MGAT3: variants seen among roughly 807,000 people sequenced by gnomAD.
MGAT3 encodes GlcNAc-T III.
MGAT3 carries 9 observed loss-of-function variants against 29.8 expected under a neutral mutation model. The observed-to-expected ratio is 0.30, with a 90% CI of 0.18 to 0.53. The LOEUF (loss-of-function observed/expected upper bound fraction) is 0.53, where lower values mean the gene tolerates loss of function less well. Ranked by LOEUF, MGAT3 falls within the 20% of genes least tolerant of loss-of-function variation. The probability of loss-of-function intolerance (pLI) is 0.96; values close to 1 mark genes in which losing one functional copy is unlikely to be tolerated. For synonymous variants in MGAT3, 397 were observed against 348.9 expected (o/e 1.14, Z -1.54); for missense variants, 557 against 769.5 (o/e 0.72, Z 3.27).
rs538775413 is a variant in MGAT3, at chr22:39,480,676, C to T, written c.-1-6671C>T. ...TGTTTGACCTTGGCCATGTCCTTCACGCCCAGCCTCACTGTTGGTGTCTGC... is the reference window on the plus strand; with the variant it reads ...TGTTTGACCTTGGCCATGTCCTTCATGCCCAGCCTCACTGTTGGTGTCTGC... On this transcript the variant is annotated intron_variant, in intron 1 of 1. Coordinates refer to ENST00000341184, the MANE Select transcript of MGAT3 (RefSeq NM_002409.5). Among the ~76,000 whole-genome samples, 8 of 152,318 alleles carry T rather than the reference C, an allele frequency of 5.3e-5. No individual in the cohort carries two copies. In the East Asian group the frequency reaches 1.2e-3, roughly 22 times the overall value.
intron 1 of MGAT3, among the ~76,000 whole-genome samples, chr22:39,473,835 G>T (rs1928878489): frequency 6.6e-6 from 1 of 151,954 alleles, no homozygotes; most frequent in African/African-American, 2.4e-5. Flanking sequence ...GGGGAGGAGG[G>T]GGGATGGATG....
At chr22:39,474,875 T>C (rs997259822) in intron 1 of MGAT3, among the ~76,000 whole-genome samples, 1 of 152,202 alleles carries the variant, frequency 6.6e-6, no homozygotes, top group African/African-American at 2.4e-5. Flanking sequence ...CGGGCCCTCC[T>C]GAAATGTGCA....
In MGAT3 at chr22:39,457,962, C is replaced by A. The variant is rs1055073672; in HGVS notation, c.-2+405C>A. On this transcript the variant is annotated intron_variant, in intron 1 of 1. Coordinates refer to ENST00000341184, the MANE Select transcript of MGAT3 (RefSeq NM_002409.5). The surrounding 1 kb of genome is among the most constrained non-coding windows in gnomAD (Gnocchi z 6.8). ...GCGGCGCGGGGCTGGGGTGGGAGGC[C>A]TCCGCGCCCGCCTTCCCCACCCCCG... Among the ~76,000 whole-genome samples, 1 of 151,914 alleles carries A rather than the reference C, an allele frequency of 6.6e-6. No homozygotes were observed. Among genetic ancestry groups the A allele is most frequent in the African/African-American group, 2.4e-5 (1 of 41,406 alleles).
At position 39,491,886 on chromosome 22, in the gene MGAT3, C is replaced by T. The variant is rs1330844124; in HGVS notation, c.*2937C>T. 6.0e-6 allele frequency: 1 copy of T among 167,022 alleles called. No individual in the cohort carries two copies. Among genetic ancestry groups the T allele is most frequent in the Non-Finnish European group, 1.5e-5 (1 of 68,108 alleles). 10.3% of individuals were successfully genotyped at this position (167,022 alleles called of 1,614,324 possible). A position where few individuals can be genotyped will look rare whatever the true frequency, so the allele number is the denominator to read the frequency against. Reference sequence around the variant, plus strand: ...CCCAAGGAGGCCTGTCCATGCCAAGCATCCGGGAAGCATGGCTGGCCTTAT... The same window carrying T: ...CCCAAGGAGGCCTGTCCATGCCAAGTATCCGGGAAGCATGGCTGGCCTTAT... On this transcript the variant is annotated 3_prime_UTR_variant, in exon 2 of 2. Transcript: ENST00000341184. This position sits in a 1 kb window ranked among gnomAD's most constrained non-coding sequence, Gnocchi z 5.5.
In MGAT3 at chr22:39,491,299, C is replaced by T. The variant is rs777284309; in HGVS notation, c.*2350C>T. On this transcript the variant is annotated 3_prime_UTR_variant, in exon 2 of 2. Coordinates refer to ENST00000341184, the MANE Select transcript of MGAT3 (RefSeq NM_002409.5). This position sits in a 1 kb window ranked among gnomAD's most constrained non-coding sequence, Gnocchi z 5.5. ...CCCCCATGGAACTCCTTTGAAGTCA[C>T]AGCAGCCTTCCTTTCTGTTTGCTCT... is the stretch of plus-strand genomic sequence containing the variant. The T allele has an allele frequency of 1.2e-5, 2 of 167,470 alleles. No individual in the cohort carries two copies. The highest frequency in any genetic ancestry group is 2.4e-5 in the African/African-American group (1 of 41,438). 10.4% of individuals were successfully genotyped at this position (167,470 alleles called of 1,614,324 possible). A position where few individuals can be genotyped will look rare whatever the true frequency, so the allele number is the denominator to read the frequency against.
intron 1 of MGAT3, among the ~76,000 whole-genome samples, chr22:39,482,714 A>G (rs577935810): frequency 5.3e-5 from 8 of 152,376 alleles, no homozygotes; most frequent in Admixed American, 2.0e-4. Context: ...GAAGGAGTCC[A>G]AGAAAATGCT....
intron 1 of MGAT3, among the ~76,000 whole-genome samples, chr22:39,459,942 G>A (rs1478969745): frequency 6.6e-6 from 1 of 152,250 alleles, no homozygotes; most frequent in Non-Finnish European, 1.5e-5. Flanking sequence ...TGAGAATCAC[G>A]AGAGGGCTGG....
chr22:39,479,150 A>G (rs1339116829), intron 1 of MGAT3, among the ~76,000 whole-genome samples: 3 of 152,190 alleles, frequency 2.0e-5, no homozygotes, highest in African/African-American at 7.2e-5. Flanking sequence ...CCAGCTTGGC[A>G]ATGTAGGGAG....
chr22:39,477,868 A>G lies in MGAT3; in HGVS notation c.-1-9479A>G, dbSNP rs1196626330. 5 of 152,292 alleles carry G rather than the reference A, an allele frequency of 3.3e-5. No individual in the cohort carries two copies. The East Asian group carries it at 5.8e-4, about 18-fold the overall frequency. The allele number at this position is 152,292 out of a possible 1,614,324, so 9.4% of individuals were successfully genotyped here. ...CTTTTTGCGGGGATTAACTCACTCA[A>G]CTCTCACAACAACCCTGTGAGACAG... is the stretch of plus-strand genomic sequence containing the variant. On this transcript the variant is annotated intron_variant, in intron 1 of 1. Transcript: ENST00000341184.
chr22:39,469,047 CGG>C (rs1928733927), intron 1 of MGAT3, among the ~76,000 whole-genome samples: 1 of 144,980 alleles, frequency 6.9e-6, no homozygotes, highest in East Asian at 2.2e-4. Context: ...GCTGCCATTC[CGG>C]TGAGCGGTAG....
At chr22:39,469,175 G>A (rs907774849) in intron 1 of MGAT3, among the ~76,000 whole-genome samples, 1 of 149,624 alleles carries the variant, frequency 6.7e-6, no homozygotes, top group African/African-American at 2.5e-5. Context: ...TGGGAAGTGC[G>A]GGCAGTGGGA....
intron 1 of MGAT3, among the ~76,000 whole-genome samples, chr22:39,466,889 C>G (rs866435402): frequency 1.2e-4 from 18 of 152,306 alleles, no homozygotes; most frequent in African/African-American, 4.3e-4. Context: ...GTTTCTCTCC[C>G]AGCTTCTGAC....
intron 1 of MGAT3, among the ~76,000 whole-genome samples, chr22:39,459,572 T>C (rs2094670483): frequency 6.6e-6 from 1 of 152,082 alleles, no homozygotes; most frequent in African/African-American, 2.4e-5. Context: ...CAAGGGATCC[T>C]TCTGCCCCAA....
rs1929358679 is a variant in MGAT3, at chr22:39,488,571, G to T, written c.1224G>T (p.Leu408=). 3.7e-6 allele frequency: 6 copies of T among 1,613,280 alleles called. No individual in the cohort carries two copies. The highest frequency in any genetic ancestry group is 5.1e-6 in the Non-Finnish European group (6 of 1,180,016). The change falls in exon 2 of 2, where the codon CTG becomes CTT. Residue 408 remains leucine (L), a synonymous_variant. Coordinates refer to ENST00000341184, the MANE Select transcript of MGAT3 (RefSeq NM_002409.5). The part of the protein sequence containing the change: ...RTGHILVQWS[L]GSPLHFAGWH... Reference sequence around the variant, plus strand: ...GCCACATCCTGGTGCAGTGGTCGCTGGGCAGCCCCCTGCACTTCGCCGGCT... The same window carrying T: ...GCCACATCCTGGTGCAGTGGTCGCTTGGCAGCCCCCTGCACTTCGCCGGCT...
intron 1 of MGAT3, among the ~76,000 whole-genome samples, chr22:39,484,396 G>A (rs1013412092): frequency 4.0e-5 from 6 of 151,794 alleles, no homozygotes; most frequent in African/African-American, 1.2e-4. Flanking sequence ...TTTTTGAGAC[G>A]GAGTCTCACT....
chr22:39,462,792 A>G (rs1568998817), intron 1 of MGAT3, among the ~76,000 whole-genome samples: 1 of 152,218 alleles, frequency 6.6e-6, no homozygotes, highest in African/African-American at 2.4e-5. Context: ...CATCTTTTCT[A>G]TAAAAATAAA....
intron 1 of MGAT3, among the ~76,000 whole-genome samples, chr22:39,484,061 A>C (rs187247028): frequency 8.5e-4 from 130 of 152,326 alleles, no homozygotes; most frequent in African/African-American, 3.0e-3. Flanking sequence ...GCAGGAGCCC[A>C]GCTGCCCGGT....
chr22:39,473,566 T>C (rs965344796), intron 1 of MGAT3, among the ~76,000 whole-genome samples: 2 of 152,046 alleles, frequency 1.3e-5, no homozygotes, highest in African/African-American at 2.4e-5. Flanking sequence ...CATGTGAACG[T>C]TGGGGGACAC....
intron 1 of MGAT3, among the ~76,000 whole-genome samples, chr22:39,466,597 C>T (rs1165632862): frequency 6.6e-6 from 1 of 152,228 alleles, no homozygotes; most frequent in Non-Finnish European, 1.5e-5. Flanking sequence ...TCCTGAAGAG[C>T]CTGCCCCTTC....
Sources: allele counts gnomAD v4.1 joint callset (sites outside exome capture counted in the v4.1 genomes callset), GRCh38; gene constraint gnomAD v4.1.1; non-coding constraint Gnocchi (gnomAD v3.1); transcripts MANE v1.5; gene names NCBI Gene and HGNC (gene_info 2026-07-23, HGNC 2026-07-21).